RSPH10B2: variants seen among roughly 807,000 people sequenced by gnomAD.
The protein encoded by RSPH10B2 is radial spoke head 10 homolog B2 (Chlamydomonas).
RSPH10B2 carries 9 observed loss-of-function variants against 49.0 expected under a neutral mutation model. The observed-to-expected ratio is 0.18, with a 90% confidence interval of 0.11 to 0.32. RSPH10B2 has a LOEUF of 0.32. Ranked by LOEUF, RSPH10B2 falls within the 10% of genes least tolerant of loss-of-function variation. The probability of loss-of-function intolerance (pLI) is 1.00; values close to 1 mark genes in which losing one functional copy is unlikely to be tolerated. For synonymous variants in RSPH10B2, 35 were observed against 210.2 expected (o/e 0.17, Z 7.21); for missense variants, 95 against 589.9 (o/e 0.16, Z 8.69).
In RSPH10B2 at chr7:6,796,589, AT is replaced by A; in HGVS notation, c.2256del (p.Asp752GlufsTer19). ...CCAGAGAAATATGAGAGACCCAAGG[AT>A]GATCGAGAGGAAGAGTTCAACACGT... is the stretch of plus-strand genomic sequence containing the variant. On this transcript the variant is annotated frameshift_variant, in exon 18 of 19. Coordinates refer to ENST00000297186, the Ensembl canonical transcript of RSPH10B2. LOFTEE classifies it high-confidence loss of function. 1.7e-6 allele frequency: 2 copies of A among 1,209,186 alleles called. No individual in the cohort carries two copies. The highest frequency in any genetic ancestry group is 2.2e-6 in the Non-Finnish European group (2 of 918,208). The allele number at this position is 1,209,186 out of a possible 1,614,324, so 74.9% of individuals were successfully genotyped here. A position where few individuals can be genotyped will look rare whatever the true frequency, so the allele number is the denominator to read the frequency against.
At chr7:6,794,299 C>G (rs1782485863) in intron 17 of RSPH10B2, 1 of 152,298 alleles carries the variant, frequency 6.6e-6, no homozygotes, top group Non-Finnish European at 1.5e-5. Context: ...AGCAGTGACT[C>G]CGTGTTGCCA....
At chr7:6,796,309 G>C (rs563306132) in intron 17 of RSPH10B2, among the ~76,000 whole-genome samples, 1 of 125,096 alleles carries the variant, frequency 8.0e-6, no homozygotes, top group South Asian at 3.2e-4. Context: ...GTGAGACTCT[G>C]TCTCCAAAAA....
rs1395308806 is a variant in RSPH10B2 at position 6,764,290 on chromosome 7, C to T, written c.573+189C>T. On this transcript the variant is annotated intron_variant, in intron 4 of 18. Transcript: ENST00000297186. ...AGGGAGAGAAGGGGGTAGGGGCTAGCGGCGCTGTCCAGGGCATATTCACTT... is the reference window on the plus strand; with the variant it reads ...AGGGAGAGAAGGGGGTAGGGGCTAGTGGCGCTGTCCAGGGCATATTCACTT... Among the ~76,000 whole-genome samples the T allele has an allele frequency of 1.2e-3, 181 of 145,928 alleles. 1 individual carries two copies. The highest frequency in any genetic ancestry group is 2.3e-3 in the Non-Finnish European group (149 of 65,886).
At chr7:6,764,646 CCACA>C in intron 4 of RSPH10B2, among the ~76,000 whole-genome samples, 2 of 151,778 alleles carry the variant, frequency 1.3e-5, no homozygotes, top group Non-Finnish European at 2.9e-5. Flanking sequence ...CAGGCGTGAG[CCACA>C]CTGTGCCTGG....
intron 16 of RSPH10B2, among the ~76,000 whole-genome samples, chr7:6,791,384 C>T (rs1458201543): frequency 1.4e-5 from 2 of 147,536 alleles, no homozygotes; most frequent in African/African-American, 2.5e-5. Flanking sequence ...TTTTGAGAGG[C>T]TTTCAGTAAA....
At chr7:6,780,877 G>T (rs55939427) in exon 12 of RSPH10B2, 2 of 1,497,808 alleles carry the variant, frequency 1.3e-6, no homozygotes. Flanking sequence ...CCAAATGCCT[G>T]CCAGATAAAA....
chr7:6,794,019 G>A (rs1290365270), intron 17 of RSPH10B2: 2 of 147,984 alleles, frequency 1.4e-5, no homozygotes, highest in African/African-American at 5.1e-5. Context: ...GGCATCTTGG[G>A]GGGCTGTGTA....
chr7:6,771,878 A>T, intron 8 of RSPH10B2, among the ~76,000 whole-genome samples, 187 bp downstream of exon 10: 1 of 131,402 alleles, frequency 7.6e-6, no homozygotes, highest in Middle Eastern at 4.0e-3. Context: ...GCGTGGTGGC[A>T]GGCGCCTGTA....
At chr7:6,784,765 T>A (rs1782080382) in intron 13 of RSPH10B2, among the ~76,000 whole-genome samples, 1 of 125,204 alleles carries the variant, frequency 8.0e-6, no homozygotes. Context: ...ATGCGGTTTG[T>A]CCATGTTGGC....
intron 10 of RSPH10B2, among the ~76,000 whole-genome samples, chr7:6,779,318 A>AT (rs1781843708): frequency 2.2e-5 from 2 of 89,354 alleles, no homozygotes; most frequent in East Asian, 7.8e-4. Context: ...CACCTGGCTA[A>AT]TTTTTTGTAT....
intron 16 of RSPH10B2, among the ~76,000 whole-genome samples, chr7:6,791,261 C>G (rs1391677282): frequency 8.2e-6 from 1 of 122,526 alleles, no homozygotes; most frequent in African/African-American, 3.4e-5. Flanking sequence ...CTTGGCCTCC[C>G]AAAGTGCTGG....
At chr7:6,763,157 C>T (rs1350606480) in intron 3 of RSPH10B2, among the ~76,000 whole-genome samples, 9 of 27,952 alleles carry the variant, frequency 3.2e-4, no homozygotes, top group Admixed American at 8.4e-4. Flanking sequence ...GGCATGATGG[C>T]TCATGCCTGT....
intron 18 of RSPH10B2, among the ~76,000 whole-genome samples, chr7:6,797,716 G>A (rs1192416558): frequency 6.6e-6 from 1 of 151,544 alleles, no homozygotes; most frequent in African/African-American, 2.4e-5. Context: ...TTAGCCAGAT[G>A]TGGTGGCAGG....
At chr7:6,793,501 AG>A (rs1300747511) in intron 17 of RSPH10B2, among the ~76,000 whole-genome samples, 6 of 115,668 alleles carry the variant, frequency 5.2e-5, no homozygotes. Context: ...CTCCTCCTCC[AG>A]TGGATCATTC....
rs564497488 is a variant in RSPH10B2 at position 6,780,294 on chromosome 7, G to A, written c.1530-515G>A. Among the ~76,000 whole-genome samples, 2 of 125,338 alleles carry A rather than the reference G, an allele frequency of 1.6e-5. 1 individual carries two copies. Among genetic ancestry groups the A allele is most frequent in the African/African-American group, 5.7e-5 (2 of 34,880 alleles). 82.2% of individuals were successfully genotyped at this position (125,338 alleles called of 152,430 possible). On this transcript the variant is annotated intron_variant, in intron 11 of 18. Coordinates refer to ENST00000297186, the Ensembl canonical transcript of RSPH10B2. ...GGGGTTTCTAATGCAGAAACAAATAGTCACAACCAAGTCTTCTTTCTTACA... is the reference window on the plus strand; with the variant it reads ...GGGGTTTCTAATGCAGAAACAAATAATCACAACCAAGTCTTCTTTCTTACA...
chr7:6,756,271 A>AAAATAAATAAATAAAT (rs202239780), upstream of RSPH10B2, among the ~76,000 whole-genome samples: 1,634 of 119,974 alleles, frequency 0.014, 4 homozygotes, highest in African/African-American at 0.037. Flanking sequence ...CTCCGTCTCA[A>AAAATAAATAAATAAAT]AAATAAATAA....
intron 10 of RSPH10B2, among the ~76,000 whole-genome samples, chr7:6,777,259 G>T (rs1238580719): frequency 2.8e-5 from 1 of 35,702 alleles, no homozygotes; most frequent in Non-Finnish European, 5.0e-5. Context: ...GTTTTTCCAT[G>T]TTGGTTAGGC....
At chr7:6,764,331 G>A (rs1343850544) in intron 4 of RSPH10B2, among the ~76,000 whole-genome samples, 24 of 149,886 alleles carry the variant, frequency 1.6e-4, no homozygotes, top group Admixed American at 5.3e-4. Context: ...TTATTGAGGC[G>A]AAATTCACAT....
At position 6,764,842 on chromosome 7, in the gene RSPH10B2, G is replaced by A. The variant is rs1385652999; in HGVS notation, c.573+741G>A. Among the ~76,000 whole-genome samples the A allele has an allele frequency of 2.5e-5, 3 of 120,566 alleles. No homozygotes were observed. In the Admixed American group the frequency reaches 2.8e-4, roughly 11 times the overall value. The allele number at this position is 120,566 out of a possible 152,430, so 79.1% of individuals were successfully genotyped here. On this transcript the variant is annotated intron_variant, in intron 4 of 18. Coordinates refer to ENST00000297186, the Ensembl canonical transcript of RSPH10B2. ...AGAAGGAATGAGTTTGCCTGATCAT[G>A]AGAAAGAAGATAGAAAAATTCTCTC...
Sources: gnomAD v4.1 joint callset for allele counts (sites outside exome capture counted in the v4.1 genomes callset) on GRCh38, gnomAD v4.1.1 for gene constraint, MANE v1.5 for transcripts, NCBI Gene and HGNC (gene_info 2026-07-23, HGNC 2026-07-21) for gene names.